The following SYNE2 variants were observed in gnomAD, a reference collection of about 807,000 sequenced individuals.
SYNE2 encodes spectrin repeat containing nuclear envelope protein 2.
In SYNE2, 431 loss-of-function variants were observed where a neutral mutation model predicts 856.3. The observed-to-expected ratio is 0.50, with a 90% CI of 0.47 to 0.55. The LOEUF is 0.55. SYNE2 is among the 20% of genes least tolerant of loss of function. SYNE2 has a pLI of 0.00. For synonymous variants in SYNE2, 2,923 were observed against 2,872.3 expected, an observed-to-expected ratio of 1.02 and a Z score of -0.56; for missense variants, 8,129 against 8,023.2, an observed-to-expected ratio of 1.01 and a Z score of -0.50.
chr14:64,193,933 G>A (rs992936911), intron 99 of SYNE2, among the ~76,000 whole-genome samples: 4 of 152,170 alleles, frequency 2.6e-5, no homozygotes, highest in African/African-American at 9.7e-5. Flanking sequence ...ATTTAGCCAA[G>A]GACAATGGGA....
rs1381206069 is a variant in SYNE2, at chr14:64,001,961, G to A, written c.3666G>A (p.Arg1222=). ...TRMESLETAL[R]LVLPVEKASL... is the part of the protein sequence containing the mutation. ...TGGAATCTTTAGAGACAGCACTGCG[G>A]CTTGTGTTACCTGTAGAGAAGGCAT... The change falls in exon 29 of 116, where the codon CGG becomes CGA. Residue 1222 remains arginine (R), a synonymous_variant. Transcript: ENST00000555002. The A allele has an allele frequency of 3.7e-6, 6 of 1,613,928 alleles. No homozygotes were observed. The African/African-American group carries it at 8.0e-5, about 22-fold the overall frequency.
chr14:63,926,842 C>T (rs956305480), intron 2 of SYNE2, among the ~76,000 whole-genome samples: 1 of 152,172 alleles, frequency 6.6e-6, no homozygotes, highest in African/African-American at 2.4e-5. Context: ...GGGGAAATCC[C>T]CCCATGACTC....
At chr14:63,937,718 G>T (rs2094833) in intron 2 of SYNE2, among the ~76,000 whole-genome samples, 29 of 151,864 alleles carry the variant, frequency 1.9e-4, no homozygotes, top group South Asian at 1.5e-3. Context: ...GAGCACTGTT[G>T]AGTGGGTTTC....
At chr14:63,966,524 A>C (rs1408485718) in intron 10 of SYNE2, among the ~76,000 whole-genome samples, 2 of 151,300 alleles carry the variant, frequency 1.3e-5, no homozygotes, top group African/African-American at 2.4e-5. Context: ...TCCTGTCTCC[A>C]AAAAAAGAAA....
At chr14:63,931,027 C>T (rs539898787) in intron 2 of SYNE2, among the ~76,000 whole-genome samples, 38 of 152,222 alleles carry the variant, frequency 2.5e-4, no homozygotes, top group Middle Eastern at 3.4e-3. Context: ...GAGCCCTTAA[C>T]GTGTGGGGTC....
chr14:64,108,850 AGTAT>A lies in SYNE2; in HGVS notation c.12609+1246_12609+1249del, dbSNP rs1411097120. On this transcript the variant is annotated intron_variant, in intron 65 of 115. Transcript: ENST00000555002. ...GTCTAAGGAAGTTGCTGACCTAGTC[AGTAT>A]GTTTTTTTGCTGTTCAGAATTAATC... Among the ~76,000 whole-genome samples the A allele has an allele frequency of 3.9e-5, 6 of 152,002 alleles. No individual in the cohort carries two copies. In the East Asian group the frequency reaches 5.8e-4, roughly 15 times the overall value.
At position 64,021,955 on chromosome 14, in the gene SYNE2, A is replaced by G. The variant is rs116369229; in HGVS notation, c.5451A>G (p.Gln1817=). 274 of 1,613,924 alleles carry G rather than the reference A, an allele frequency of 1.7e-4. 1 individual carries two copies. In the African/African-American group the frequency reaches 3.2e-3, roughly 19 times the overall value. Residue 1817 remains glutamine (Q), a synonymous_variant, in exon 37 of 116, where the codon CAA becomes CAG. Transcript: ENST00000555002. ...CTGAACTCTCTGAATTGAAAAAGCA[A>G]TATGAAAGTGTCAGTGATTTATTTA... ...LTPELSELKK[Q]YESVSDLFNT...
chr14:64,209,431 C>T lies in SYNE2; in HGVS notation c.18393C>T (p.Ile6131=), dbSNP rs370317926. 3.2e-5 allele frequency: 51 copies of T among 1,614,106 alleles called. No individual in the cohort carries two copies. The highest frequency in any genetic ancestry group is 6.7e-5 in the East Asian group (3 of 44,890). ...CAMSMERRMK[I]EETWRLWQKF... is the part of the protein sequence containing the mutation. ...TAAGTTGCTTTGCTCCCATCAGAAT[C>T]GAGGAGACGTGGCGCCTGTGGCAGA... The change falls in exon 102 of 116, where the codon ATC becomes ATT. Residue 6131 remains isoleucine, a synonymous_variant. Transcript: ENST00000555002.
intron 1 of SYNE2, among the ~76,000 whole-genome samples, chr14:63,787,011 C>T (rs929396719): frequency 1.3e-5 from 2 of 152,166 alleles, no homozygotes; most frequent in Admixed American, 1.3e-4. Flanking sequence ...AATCCACCTG[C>T]CTTGGCCTCC....
chr14:64,082,646 C>A (rs894461579), intron 57 of SYNE2, among the ~76,000 whole-genome samples: 1 of 152,174 alleles, frequency 6.6e-6, no homozygotes, highest in African/African-American at 2.4e-5. Context: ...CAGATGGCAC[C>A]GGACTGCATC....
rs200836234 is a variant in SYNE2 at position 63,828,985 on chromosome 14, T to TA, written c.-304-23515dup. Among the ~76,000 whole-genome samples, 913 of 152,250 alleles carry TA rather than the reference T, an allele frequency of 6.0e-3. 7 individuals carry two copies. The highest frequency in any genetic ancestry group is 0.021 in the African/African-American group (874 of 41,550). On this transcript the variant is annotated intron_variant, in intron 1 of 23. Transcript: ENST00000674003. ...ACTGAAACTCCAATGAGATGCCACT[T>TA]ACGATAGTACCACAATGAGATATTA...
intron 43 of SYNE2, among the ~76,000 whole-genome samples, 187 bp from the exon 44 acceptor site, chr14:64,029,708 G>A (rs984690376): frequency 2.6e-5 from 4 of 152,052 alleles, no homozygotes; most frequent in Non-Finnish European, 4.4e-5. Flanking sequence ...TCATTTTTTT[G>A]CGGGGGAGAT....
intron 70 of SYNE2, among the ~76,000 whole-genome samples, chr14:64,123,121 A>G (rs2097911019): frequency 6.6e-6 from 1 of 152,148 alleles, no homozygotes; most frequent in South Asian, 2.1e-4. Flanking sequence ...AAACACTTTA[A>G]AAACTATACA....
chr14:64,190,861 C>A (rs2139642072), intron 99 of SYNE2: 1 of 693,154 alleles, frequency 1.4e-6, no homozygotes, highest in East Asian at 2.7e-5. Flanking sequence ...TCTCTCCTCC[C>A]AAAATGATGA....
intron 85 of SYNE2, among the ~76,000 whole-genome samples, chr14:64,153,618 T>C (rs2098263050): frequency 2.6e-5 from 4 of 152,224 alleles, no homozygotes. Flanking sequence ...TATTCAGTCA[T>C]TTGTTAAGCA....
intron 1 of SYNE2, among the ~76,000 whole-genome samples, chr14:63,841,210 C>T (rs145218204): frequency 0.019 from 2,895 of 152,220 alleles, 40 homozygotes; most frequent in Admixed American, 0.032. Context: ...GACTGGTTCT[C>T]TGGTGCACCA....
intron 28 of SYNE2, among the ~76,000 whole-genome samples, chr14:64,001,476 G>C (rs2096754504): frequency 6.6e-6 from 1 of 152,172 alleles, no homozygotes; most frequent in Non-Finnish European, 1.5e-5. Context: ...CTTGAGGTCA[G>C]GAGTTCGAGA....
At chr14:64,129,658 C>G in intron 74 of SYNE2, 124 bp from the exon 75 acceptor site, 1 of 1,374,920 alleles carries the variant, frequency 7.3e-7, no homozygotes, top group South Asian at 1.3e-5. Flanking sequence ...GGTGAGGGAG[C>G]GGGAGCTGGG....
chr14:64,124,312 C>T (rs1360440648), intron 70 of SYNE2, among the ~76,000 whole-genome samples: 1 of 151,934 alleles, frequency 6.6e-6, no homozygotes, highest in Non-Finnish European at 1.5e-5. Context: ...CTGCCTCAGC[C>T]TTCCGAGTAG....
Sources: allele counts gnomAD v4.1 joint callset (sites outside exome capture counted in the v4.1 genomes callset), GRCh38; gene constraint gnomAD v4.1.1; transcripts MANE v1.5; gene names NCBI Gene and HGNC (gene_info 2026-07-23, HGNC 2026-07-21).